Variants in CDC42SE2 observed in about 807,000 individuals in gnomAD.
The protein encoded by CDC42SE2 is CDC42 small effector 2, also known as CDC42 small effector protein 2.
Under a neutral mutation model 11.5 loss-of-function variants are expected in CDC42SE2, and 3 were observed. The observed-to-expected ratio is 0.26, with a 90% CI of 0.12 to 0.67. The LOEUF is 0.67. Among genes scored for constraint, CDC42SE2 ranks in the 30% least tolerant of loss-of-function variants. The probability of loss-of-function intolerance (pLI) is 0.80; values close to 1 mark genes in which losing one functional copy is unlikely to be tolerated. For missense variants in CDC42SE2, 82 were observed against 106.8 expected, an observed-to-expected ratio of 0.77 and a Z score of 1.02; for synonymous variants, 33 against 34.8, an observed-to-expected ratio of 0.95 and a Z score of 0.18.
At chr5:131,297,321 T>A (rs531932508) in intron 1 of CDC42SE2, among the ~76,000 whole-genome samples, 11 of 152,248 alleles carry the variant, frequency 7.2e-5, no homozygotes, top group African/African-American at 2.6e-4. Flanking sequence ...ACTGTTATAA[T>A]TACATAAGGC....
At chr5:131,219,945 A>C in the CDC42SE2 span, among the ~76,000 whole-genome samples, 1 of 152,142 alleles carries the variant, frequency 6.6e-6, no homozygotes, top group East Asian at 1.9e-4. Context: ...TCAAACAAAC[A>C]AACAAAAAAA....
At chr5:131,273,504 C>T (rs1358844301) in intron 1 of CDC42SE2, among the ~76,000 whole-genome samples, 1 of 149,532 alleles carries the variant, frequency 6.7e-6, no homozygotes, top group Non-Finnish European at 1.5e-5. Context: ...GGCGCGGTGG[C>T]TCATGCCTGT....
At chr5:131,303,220 G>A (rs1027532226) in intron 1 of CDC42SE2, among the ~76,000 whole-genome samples, 2 of 152,208 alleles carry the variant, frequency 1.3e-5, no homozygotes, top group African/African-American at 4.8e-5. Flanking sequence ...GGCCTGTAAA[G>A]TGAGGAAATT....
chr5:131,261,387 CAT>C (rs1756724787), upstream of CDC42SE2: 1 of 152,154 alleles, frequency 6.6e-6, no homozygotes, highest in Non-Finnish European at 1.5e-5. Flanking sequence ...TGATGAAACA[CAT>C]TGTCAATTTT....
intron 4 of CDC42SE2, among the ~76,000 whole-genome samples, chr5:131,388,875 AG>A (rs1750568756): frequency 1.3e-5 from 2 of 152,150 alleles, no homozygotes; most frequent in African/African-American, 4.8e-5. Flanking sequence ...TTTGATGCAG[AG>A]TCTCATTCTG....
At chr5:131,361,174 G>A (rs960534576) in intron 3 of CDC42SE2, among the ~76,000 whole-genome samples, 1 of 150,908 alleles carries the variant, frequency 6.6e-6, no homozygotes, top group Non-Finnish European at 1.5e-5. Flanking sequence ...GTGCAGTGAC[G>A]TGATATATAA....
intron 2 of CDC42SE2, among the ~76,000 whole-genome samples, chr5:131,255,770 A>G (rs1444272438): frequency 6.6e-6 from 1 of 152,206 alleles, no homozygotes; most frequent in African/African-American, 2.4e-5. Flanking sequence ...AGAAAAAAAA[A>G]GATTGCAAGG....
chr5:131,310,005 C>G (rs1431942099), intron 1 of CDC42SE2, among the ~76,000 whole-genome samples: 1 of 152,056 alleles, frequency 6.6e-6, no homozygotes, highest in Admixed American at 6.6e-5. Context: ...AATGTGTTTG[C>G]TCTTGCTTGT....
chr5:131,268,026 T>C (rs1756906945), intron 1 of CDC42SE2, among the ~76,000 whole-genome samples: 1 of 151,526 alleles, frequency 6.6e-6, no homozygotes, highest in Non-Finnish European at 1.5e-5. Context: ...TGAGAGGAAC[T>C]TGAGAGAAGT....
At chr5:131,352,976 T>G (rs1247175171) in intron 2 of CDC42SE2, among the ~76,000 whole-genome samples, 1 of 149,128 alleles carries the variant, frequency 6.7e-6, no homozygotes, top group Non-Finnish European at 1.5e-5. Flanking sequence ...TCATTGTTAG[T>G]TTTTTTTTGA....
the CDC42SE2 span, among the ~76,000 whole-genome samples, chr5:131,217,852 T>A: frequency 5.0e-3 from 768 of 152,248 alleles, 18 homozygotes; most frequent in Admixed American, 0.047. Context: ...ATGTAAATAC[T>A]TCCAACAAAT....
At chr5:131,332,680 T>C (rs1282595905) in intron 2 of CDC42SE2, among the ~76,000 whole-genome samples, 3 of 152,298 alleles carry the variant, frequency 2.0e-5, no homozygotes, top group African/African-American at 7.2e-5. Flanking sequence ...TGAGATGGTA[T>C]GTCATTGTGG....
the CDC42SE2 span, among the ~76,000 whole-genome samples, chr5:131,218,475 C>T: frequency 3.3e-5 from 5 of 152,134 alleles, no homozygotes; most frequent in Non-Finnish European, 7.3e-5. Context: ...ACTATGTTTG[C>T]TAGTATATAC....
intron 2 of CDC42SE2, among the ~76,000 whole-genome samples, chr5:131,344,422 C>T (rs1377128142): frequency 6.6e-6 from 1 of 152,194 alleles, no homozygotes; most frequent in Admixed American, 6.5e-5. Flanking sequence ...AGTCTGAGAT[C>T]GAACTGCAAG....
chr5:131,375,733 AT>A (rs11327754), intron 3 of CDC42SE2, among the ~76,000 whole-genome samples: 10,253 of 152,322 alleles, frequency 0.067, 665 homozygotes, highest in African/African-American at 0.17. Context: ...AAAGTAGGCT[AT>A]TCAGTTATTG....
intron 2 of CDC42SE2, among the ~76,000 whole-genome samples, chr5:131,332,647 A>C (rs867291916): frequency 1.4e-3 from 211 of 152,178 alleles, no homozygotes; most frequent in African/African-American, 5.0e-3. Context: ...CTGACTTTTT[A>C]ATGATCACCA....
intron 2 of CDC42SE2, among the ~76,000 whole-genome samples, chr5:131,339,887 T>C (rs1223339654): frequency 3.3e-5 from 5 of 151,110 alleles, no homozygotes; most frequent in Admixed American, 3.3e-4. Flanking sequence ...GTGGGTTAAA[T>C]AGCAGAATAG....
intron 2 of CDC42SE2, among the ~76,000 whole-genome samples, chr5:131,318,578 G>A (rs1486565327): frequency 6.6e-6 from 1 of 152,152 alleles, no homozygotes; most frequent in Non-Finnish European, 1.5e-5. Context: ...AAATTTAGTT[G>A]ATTAAGAAGC....
At chr5:131,275,209 G>A (rs1469081194) in intron 1 of CDC42SE2, among the ~76,000 whole-genome samples, 2 of 151,942 alleles carry the variant, frequency 1.3e-5, no homozygotes, top group African/African-American at 2.4e-5. Flanking sequence ...TTGGGCTTGC[G>A]CTATTTTTTT....
Sources: gnomAD v4.1 joint callset for allele counts (sites outside exome capture counted in the v4.1 genomes callset) on GRCh38, gnomAD v4.1.1 for gene constraint, MANE v1.5 for transcripts, NCBI Gene and HGNC (gene_info 2026-07-23, HGNC 2026-07-21) for gene names.